The following MSRB3 variants were observed in gnomAD, a reference collection of about 807,000 sequenced individuals.
The protein encoded by MSRB3 is methionine sulfoxide reductase B3, also known as methionine-R-sulfoxide reductase B3.
MSRB3 carries 13 observed loss-of-function variants against 21.0 expected under a neutral mutation model. The observed-to-expected ratio is 0.62, with a 90% CI of 0.40 to 0.98. The LOEUF is 0.98. Among genes scored for constraint, MSRB3 ranks in the 50% least tolerant of loss-of-function variants. The pLI is 0.00. For missense variants in MSRB3, 199 were observed against 230.3 expected (o/e 0.86, Z 0.88); for synonymous variants, 87 against 88.6 (o/e 0.98, Z 0.10).
At chr12:65,332,834 C>T (rs994118423) in intron 4 of MSRB3, among the ~76,000 whole-genome samples, 2 of 152,166 alleles carry the variant, frequency 1.3e-5, no homozygotes, top group Non-Finnish European at 2.9e-5. Context: ...TACATTTCCT[C>T]TCTGAACAAT....
At chr12:65,336,359 G>T (rs1411080753) in intron 4 of MSRB3, among the ~76,000 whole-genome samples, 1 of 152,154 alleles carries the variant, frequency 6.6e-6, no homozygotes, top group Non-Finnish European at 1.5e-5. Flanking sequence ...AATTATAACT[G>T]CATTTTTCTT....
chr12:65,422,271 T>C (rs1411218309), intron 5 of MSRB3, among the ~76,000 whole-genome samples: 2 of 151,146 alleles, frequency 1.3e-5, no homozygotes, highest in Non-Finnish European at 2.9e-5. Flanking sequence ...TCCCACACAA[T>C]AGTAGGGTAA....
chr12:65,450,099 A>G (rs2136696350), intron 5 of MSRB3, among the ~76,000 whole-genome samples: 1 of 145,906 alleles, frequency 6.9e-6, no homozygotes, highest in South Asian at 2.2e-4. Flanking sequence ...AGGGGGAATG[A>G]TTATTTATGC....
At chr12:65,313,262 AC>A (rs1299466252) in intron 2 of MSRB3, among the ~76,000 whole-genome samples, 5 of 152,148 alleles carry the variant, frequency 3.3e-5, no homozygotes, top group Non-Finnish European at 7.4e-5. Flanking sequence ...CTACAGATAC[AC>A]ATTAAAGCCA....
chr12:65,285,958 T>A (rs1219659302), intron 1 of MSRB3: 1 of 152,234 alleles, frequency 6.6e-6, no homozygotes, highest in Non-Finnish European at 1.5e-5. Context: ...CACATTTACA[T>A]ACAGTATATA....
intron 1 of MSRB3, among the ~76,000 whole-genome samples, chr12:65,295,312 C>A (rs1185617254): frequency 6.6e-6 from 1 of 152,166 alleles, no homozygotes; most frequent in African/African-American, 2.4e-5. Context: ...CTCTGCCTTG[C>A]CTTTGTTAGC....
intron 5 of MSRB3, among the ~76,000 whole-genome samples, chr12:65,449,461 T>A (rs1882766583): frequency 6.6e-6 from 1 of 152,086 alleles, no homozygotes; most frequent in South Asian, 2.1e-4. Context: ...TACTACAAAT[T>A]TTGAAATATG....
At chr12:65,419,022 G>T (rs1881132726) in intron 5 of MSRB3, 1 of 712,088 alleles carries the variant, frequency 1.4e-6, no homozygotes, top group Non-Finnish European at 2.5e-6. Flanking sequence ...TCTGCAGGGT[G>T]TACCAGGCCT....
intron 5 of MSRB3, among the ~76,000 whole-genome samples, chr12:65,384,404 T>C (rs1277186923): frequency 6.6e-6 from 1 of 152,210 alleles, no homozygotes; most frequent in African/African-American, 2.4e-5. Context: ...GTCAACAGGA[T>C]GGCTTTATAT....
chr12:65,311,421 A>G (rs924490865), intron 2 of MSRB3, among the ~76,000 whole-genome samples: 9 of 152,116 alleles, frequency 5.9e-5, no homozygotes, highest in Admixed American at 1.3e-4. Context: ...GGGTGTCTAC[A>G]TATTTTATAA....
chr12:65,341,308 A>G (rs928349481), intron 4 of MSRB3, among the ~76,000 whole-genome samples: 12 of 152,158 alleles, frequency 7.9e-5, no homozygotes, highest in Admixed American at 5.9e-4. Context: ...AGACACAGAA[A>G]GACAAACATC....
At position 65,371,123 on chromosome 12, in the gene MSRB3, C is replaced by G. The variant is rs544858074; in HGVS notation, c.292+2097C>G. ...CAGGCAGATCGCAAGGTCAGGAGAT[C>G]GAGACCATCCTGGCTAACATGGTGA... On this transcript the variant is annotated intron_variant, in intron 5 of 6. Transcript: ENST00000308259. Among the ~76,000 whole-genome samples, 6 of 151,970 alleles carry G rather than the reference C, an allele frequency of 3.9e-5. No individual in the cohort carries two copies. The East Asian group carries it at 9.7e-4, about 24-fold the overall frequency.
chr12:65,402,779 G>A (rs1013956371), intron 5 of MSRB3, among the ~76,000 whole-genome samples: 1 of 152,156 alleles, frequency 6.6e-6, no homozygotes, highest in Non-Finnish European at 1.5e-5. Flanking sequence ...GTGACCTTTG[G>A]ATGGGGTTTT....
intron 5 of MSRB3, among the ~76,000 whole-genome samples, chr12:65,424,820 G>A (rs1881493353): frequency 6.7e-6 from 1 of 150,354 alleles, no homozygotes; most frequent in Non-Finnish European, 1.5e-5. Flanking sequence ...TGTCTGTTAG[G>A]TCTGTTTGGT....
Position 65,380,471 on chromosome 12 carries a change from G to GA in MSRB3, c.292+11447dup, listed in dbSNP as rs74627702. 2.6e-3 allele frequency among the ~76,000 whole-genome samples: 399 copies of GA among 152,178 alleles called. 16 individuals carry two copies. The East Asian group carries it at 0.067, about 26-fold the overall frequency. ...CACCCCTGTAATCCCAGCTACTTGG[G>GA]AAGCTGAGGTGGAGAATTGCTTGAA... is the stretch of plus-strand genomic sequence containing the variant. On this transcript the variant is annotated intron_variant, in intron 5 of 6. Transcript: ENST00000308259.
intron 3 of MSRB3, among the ~76,000 whole-genome samples, chr12:65,327,485 C>T (rs570967602): frequency 1.3e-4 from 20 of 152,288 alleles, no homozygotes; most frequent in Admixed American, 4.6e-4. Context: ...CTTGGAAGTT[C>T]GCCCTAAGTC....
intron 3 of MSRB3, among the ~76,000 whole-genome samples, chr12:65,327,449 A>G (rs1465334609): frequency 6.6e-6 from 1 of 152,244 alleles, no homozygotes; most frequent in East Asian, 1.9e-4. Flanking sequence ...AAAATTTTCA[A>G]TAACTGCCCT....
rs559067342 is a variant in MSRB3 at position 65,458,730 on chromosome 12, A to G, written c.391-4425A>G. Among the ~76,000 whole-genome samples, 158 of 152,328 alleles carry G rather than the reference A, an allele frequency of 1.0e-3. 2 individuals are homozygous for G. In the South Asian group the frequency reaches 0.027, roughly 26 times the overall value. On this transcript the variant is annotated intron_variant, in intron 6 of 6. Coordinates refer to ENST00000308259, the MANE Select transcript of MSRB3 (RefSeq NM_001031679.3). ...GTTATCTCTTCCAAAGAGGATCTTC[A>G]TCTTAAATTTACTCGCTTTGGTGGG... is the stretch of plus-strand genomic sequence containing the variant.
chr12:65,288,303 C>T (rs1216193264), intron 1 of MSRB3, among the ~76,000 whole-genome samples: 11 of 148,594 alleles, frequency 7.4e-5, no homozygotes, highest in Middle Eastern at 3.2e-3. Flanking sequence ...CCCCGTCCCC[C>T]CCGCAAAAAA....
Sources: gnomAD v4.1 joint callset for allele counts (sites outside exome capture counted in the v4.1 genomes callset) on GRCh38, gnomAD v4.1.1 for gene constraint, MANE v1.5 for transcripts, NCBI Gene and HGNC (gene_info 2026-07-23, HGNC 2026-07-21) for gene names.